Variants in DAP3 observed in about 807,000 individuals in gnomAD.
DAP3 encodes the protein small ribosomal subunit protein mS29.
Under a neutral mutation model 51.9 loss-of-function variants are expected in DAP3, and 28 were observed. The observed-to-expected ratio is 0.54, with a 90% CI of 0.40 to 0.74. The LOEUF is 0.74. Among genes scored for constraint, DAP3 ranks in the 30% least tolerant of loss-of-function variants. The pLI is 0.00. For missense variants in DAP3, 458 were observed against 483.5 expected (o/e 0.95, Z 0.49); for synonymous variants, 170 against 170.3 (o/e 1.00, Z 0.01).
intron 1 of DAP3, among the ~76,000 whole-genome samples, chr1:155,709,442 G>A (rs560219016): frequency 3.3e-5 from 5 of 152,206 alleles, no homozygotes; most frequent in African/African-American, 1.2e-4. Context: ...TTGTACATGT[G>A]AGCCACTGTG....
intron 1 of DAP3, among the ~76,000 whole-genome samples, chr1:155,705,069 A>T (rs1297706750): frequency 8.5e-5 from 13 of 152,104 alleles, no homozygotes; most frequent in Admixed American, 8.5e-4. Flanking sequence ...AGGTGGGAGG[A>T]TCACTTGAGT....
At chr1:155,722,828 GTTGAAGAAAT>G (rs1378677972) in intron 4 of DAP3, among the ~76,000 whole-genome samples, 2 of 152,098 alleles carry the variant, frequency 1.3e-5, no homozygotes, top group African/African-American at 4.8e-5. Context: ...AAAAAATTTT[GTTGAAGAAAT>G]CATCTGCAGT....
chr1:155,696,469 A>C (rs900278994), intron 1 of DAP3, among the ~76,000 whole-genome samples: 3 of 152,220 alleles, frequency 2.0e-5, no homozygotes, highest in Non-Finnish European at 4.4e-5. Context: ...TAAGGTTTTT[A>C]AAGAATCTTT....
chr1:155,699,017 A>T (rs1158691078), intron 1 of DAP3, among the ~76,000 whole-genome samples: 1 of 152,176 alleles, frequency 6.6e-6, no homozygotes, highest in Non-Finnish European at 1.5e-5. Flanking sequence ...AGGGTACCTG[A>T]AGTCCGGTGG....
intron 6 of DAP3, chr1:155,726,298 T>C (rs1658586047): frequency 1.0e-5 from 2 of 200,432 alleles, no homozygotes; most frequent in Admixed American, 6.2e-5. Context: ...TTTTTTTTTT[T>C]TTTTTTTTGA....
intron 9 of DAP3, among the ~76,000 whole-genome samples, chr1:155,729,823 C>T (rs1659003467): frequency 6.6e-6 from 1 of 152,090 alleles, no homozygotes; most frequent in South Asian, 2.1e-4. Context: ...TGGCTCATGC[C>T]TGTAATCCCA....
At position 155,725,454 on chromosome 1, in the gene DAP3, A is replaced by G; in HGVS notation, c.343A>G (p.Thr115Ala). 4 of 1,614,166 alleles carry G rather than the reference A, an allele frequency of 2.5e-6. No individual in the cohort carries two copies. The highest frequency in any genetic ancestry group is 3.4e-6 in the Non-Finnish European group (4 of 1,180,038). ...ALELLHYLKN[T>A]SFAYPAIRYL... ...AGAACTTCTGCATTACCTGAAAAACACCAGTTTTGCTTATCCAGCTATACG... is the reference window on the plus strand; with the variant it reads ...AGAACTTCTGCATTACCTGAAAAACGCCAGTTTTGCTTATCCAGCTATACG... Residue 115 changes from threonine to alanine, a missense_variant, in exon 5 of 13, where the codon ACC becomes GCC. Thr to Ala is a moderately conservative substitution (Grantham distance 58). Transcript: ENST00000368336.
At chr1:155,699,143 A>G (rs1488352500) in intron 1 of DAP3, among the ~76,000 whole-genome samples, 1 of 152,192 alleles carries the variant, frequency 6.6e-6, no homozygotes, top group Non-Finnish European at 1.5e-5. Context: ...CTATTTATTG[A>G]GTATAATCAC....
At chr1:155,688,809 G>A (rs181621149), upstream of DAP3, 718 of 1,549,480 alleles carry the variant, frequency 4.6e-4, 4 homozygotes, top group Middle Eastern at 2.4e-3. Flanking sequence ...AGTCCCCACC[G>A]CGGGACTGTT....
chr1:155,716,254 A>T (rs1302344893), intron 2 of DAP3, among the ~76,000 whole-genome samples: 1 of 152,186 alleles, frequency 6.6e-6, no homozygotes, highest in African/African-American at 2.4e-5. Flanking sequence ...AATAACAGGG[A>T]TCCTTTTTAC....
chr1:155,729,217 C>A lies in DAP3; in HGVS notation c.694C>A (p.Arg232=), dbSNP rs200984755. 2 of 1,614,056 alleles carry A rather than the reference C, an allele frequency of 1.2e-6. No individual in the cohort carries two copies. The highest frequency in any genetic ancestry group is 1.7e-6 in the Non-Finnish European group (2 of 1,180,044). Residue 232 remains arginine, a synonymous_variant, in exon 9 of 13, where the codon CGG becomes AGG. Coordinates refer to ENST00000368336, the MANE Select transcript of DAP3 (RefSeq NM_004632.4). The part of the protein sequence containing the change: ...LGEVVEQGIT[R]VRNATDAVGI... ...CTGTCTCTCCCAATAGGGCATAACA[C>A]GGGTGAGGAACGCCACAGATGCAGT...
At chr1:155,700,988 G>A (rs1289066851) in intron 1 of DAP3, among the ~76,000 whole-genome samples, 38 of 108,678 alleles carry the variant, frequency 3.5e-4, no homozygotes, top group African/African-American at 1.1e-3. Context: ...CAGCCGCCCC[G>A]TCCGGGAGGG....
chr1:155,724,651 A>AC (rs1198961822), intron 4 of DAP3, among the ~76,000 whole-genome samples: 1 of 143,252 alleles, frequency 7.0e-6, no homozygotes, highest in African/African-American at 2.6e-5. Context: ...AAAAAAAAAA[A>AC]AAATCAACTA....
At chr1:155,697,226 G>A (rs974593071) in intron 1 of DAP3, among the ~76,000 whole-genome samples, 2 of 152,100 alleles carry the variant, frequency 1.3e-5, no homozygotes, top group African/African-American at 2.4e-5. Context: ...TAATGGGTGC[G>A]GCAAGCTGAG....
chr1:155,703,629 C>G (rs1024973175), intron 1 of DAP3, among the ~76,000 whole-genome samples: 1 of 152,180 alleles, frequency 6.6e-6, no homozygotes, highest in Non-Finnish European at 1.5e-5. Context: ...CCTCTGCCTC[C>G]CGGGCTCAAG....
Position 155,726,036 on chromosome 1 carries a change from G to T in DAP3, c.472+17G>T. The T allele has an allele frequency of 6.3e-7, 1 of 1,596,538 alleles. No homozygotes were observed. The highest frequency in any genetic ancestry group is 8.6e-7 in the Non-Finnish European group (1 of 1,167,464). On this transcript the variant is annotated intron_variant, in intron 6 of 12. Coordinates refer to ENST00000368336, the MANE Select transcript of DAP3 (RefSeq NM_004632.4). ...TTCCAGATGGTAAGAACTTCCTGTT[G>T]TTTCTTCTGTCTGTTAGGTTTAGTT... is the stretch of plus-strand genomic sequence containing the variant.
chr1:155,736,601 G>A (rs1659826406), intron 11 of DAP3: 2 of 264,108 alleles, frequency 7.6e-6, no homozygotes, highest in African/African-American at 2.3e-5. Flanking sequence ...ATTTTCTGTC[G>A]AGACAGGGTT....
chr1:155,702,527 CT>C (rs2149128822), intron 1 of DAP3, among the ~76,000 whole-genome samples: 1 of 152,068 alleles, frequency 6.6e-6, no homozygotes, highest in Admixed American at 6.5e-5. Flanking sequence ...TCTTGGAGCT[CT>C]TATGAGTACG....
chr1:155,702,260 GA>G (rs1298722502), intron 1 of DAP3, among the ~76,000 whole-genome samples: 2 of 151,752 alleles, frequency 1.3e-5, no homozygotes, highest in African/African-American at 2.4e-5. Context: ...ATGAGGTCAG[GA>G]GATCGAGATC....
Sources: gnomAD v4.1 joint callset for allele counts (sites outside exome capture counted in the v4.1 genomes callset) on GRCh38, gnomAD v4.1.1 for gene constraint, MANE v1.5 for transcripts, NCBI Gene and HGNC (gene_info 2026-07-23, HGNC 2026-07-21) for gene names.